The following INPP4B variants were observed in gnomAD, a reference collection of about 807,000 sequenced individuals.
The protein encoded by INPP4B is inositol polyphosphate-4-phosphatase type II B.
Under a neutral mutation model 122.5 loss-of-function variants are expected in INPP4B, and 55 were observed. The observed-to-expected ratio is 0.45, with a 90% confidence interval of 0.36 to 0.56. The LOEUF (loss-of-function observed/expected upper bound fraction) is 0.56. Ranked by LOEUF, INPP4B falls within the 20% of genes least tolerant of loss-of-function variation. INPP4B has a pLI of 0.00. For synonymous variants in INPP4B, 403 were observed against 388.7 expected (o/e 1.04, Z -0.43); for missense variants, 1,000 against 1,097.7 (o/e 0.91, Z 1.26).
At chr4:142,117,937 C>G (rs1161931789) in intron 21 of INPP4B, among the ~76,000 whole-genome samples, 1 of 152,192 alleles carries the variant, frequency 6.6e-6, no homozygotes, top group Non-Finnish European at 1.5e-5. Flanking sequence ...TAGGCAACTT[C>G]AGCAAAGTCT....
intron 1 of INPP4B, among the ~76,000 whole-genome samples, chr4:142,746,853 C>T (rs1359568861): frequency 6.6e-6 from 1 of 152,108 alleles, no homozygotes; most frequent in African/African-American, 2.4e-5. Flanking sequence ...CTTCCTTACA[C>T]CTTATGCAAA....
intron 8 of INPP4B, among the ~76,000 whole-genome samples, chr4:142,309,951 T>C (rs1293019450): frequency 6.6e-6 from 1 of 152,084 alleles, no homozygotes; most frequent in East Asian, 1.9e-4. Context: ...TCCGAGCAAG[T>C]CACAGATATC....
chr4:142,261,253 C>G (rs1302358793), intron 10 of INPP4B, among the ~76,000 whole-genome samples: 1 of 152,120 alleles, frequency 6.6e-6, no homozygotes, highest in Non-Finnish European at 1.5e-5. Flanking sequence ...GTGGTGCTCT[C>G]CCTCAGCTTC....
At chr4:142,120,984 A>G (rs1796317890) in intron 21 of INPP4B, among the ~76,000 whole-genome samples, 1 of 152,026 alleles carries the variant, frequency 6.6e-6, no homozygotes, top group Non-Finnish European at 1.5e-5. Flanking sequence ...GAGTTTCAAT[A>G]CTGTTTGAAG....
chr4:142,373,088 G>T (rs1391347209), intron 7 of INPP4B, among the ~76,000 whole-genome samples: 1 of 152,028 alleles, frequency 6.6e-6, no homozygotes, highest in Non-Finnish European at 1.5e-5. Context: ...TCAAATAGCT[G>T]CAGGCTCTAA....
intron 11 of INPP4B, among the ~76,000 whole-genome samples, chr4:142,245,338 A>G (rs1727416415): frequency 6.6e-6 from 1 of 152,078 alleles, no homozygotes; most frequent in Non-Finnish European, 1.5e-5. Context: ...CAAGGTTTTT[A>G]TGGTTTTAGG....
chr4:142,170,752 T>C (rs950989730), intron 16 of INPP4B, among the ~76,000 whole-genome samples: 3 of 151,804 alleles, frequency 2.0e-5, no homozygotes, highest in Admixed American at 6.6e-5. Flanking sequence ...TATCGAGTTT[T>C]GGAATTCCTG....
intron 2 of INPP4B, among the ~76,000 whole-genome samples, chr4:142,695,085 CTTTTT>C (rs1021061648): frequency 6.6e-6 from 1 of 150,908 alleles, no homozygotes; most frequent in African/African-American, 2.4e-5. Context: ...TAATCATTCA[CTTTTT>C]TTTTAGTATT....
chr4:142,722,983 G>A (rs1216244003), intron 2 of INPP4B, among the ~76,000 whole-genome samples: 1 of 151,940 alleles, frequency 6.6e-6, no homozygotes, highest in Non-Finnish European at 1.5e-5. Flanking sequence ...CACAAGATTT[G>A]TATCCTTTTA....
At chr4:142,823,221 C>T (rs1266824896) in intron 1 of INPP4B, among the ~76,000 whole-genome samples, 1 of 152,130 alleles carries the variant, frequency 6.6e-6, no homozygotes, top group African/African-American at 2.4e-5. Flanking sequence ...GTGAAGCAAA[C>T]TAAAATATTT....
intron 22 of INPP4B, among the ~76,000 whole-genome samples, chr4:142,110,618 G>A (rs1394672310): frequency 6.6e-6 from 1 of 152,100 alleles, no homozygotes; most frequent in East Asian, 1.9e-4. Flanking sequence ...ATGTCAGAGT[G>A]CTATTCAAAT....
At chr4:142,044,383 G>C (rs901555468) in intron 25 of INPP4B, among the ~76,000 whole-genome samples, 12 of 152,236 alleles carry the variant, frequency 7.9e-5, no homozygotes, top group Middle Eastern at 3.4e-3. Flanking sequence ...AACAGTCACA[G>C]ATTCAAAGAC....
intron 15 of INPP4B, among the ~76,000 whole-genome samples, chr4:142,175,361 A>ATT (rs113346898): frequency 0.091 from 13,583 of 149,808 alleles, 868 homozygotes; most frequent in Middle Eastern, 0.17. Context: ...TAAGGAAACA[A>ATT]TTTTTTTTTT....
At chr4:142,592,623 A>G (rs1177474619) in intron 2 of INPP4B, among the ~76,000 whole-genome samples, 1 of 152,200 alleles carries the variant, frequency 6.6e-6, no homozygotes. Flanking sequence ...CTACCCATAG[A>G]CTAGAAATAT....
intron 11 of INPP4B, among the ~76,000 whole-genome samples, chr4:142,250,339 T>A (rs1335792156): frequency 6.6e-6 from 1 of 152,206 alleles, no homozygotes; most frequent in South Asian, 2.1e-4. Context: ...GTAAATAGAA[T>A]AGTGACGAAC....
chr4:142,076,326 C>T (rs1047620061), intron 25 of INPP4B, among the ~76,000 whole-genome samples: 5 of 152,044 alleles, frequency 3.3e-5, no homozygotes, highest in African/African-American at 9.7e-5. Context: ...GATCAGTTCT[C>T]TTTTGGGGTT....
At chr4:142,383,965 C>T (rs1313100219) in intron 7 of INPP4B, 9 of 634,184 alleles carry the variant, frequency 1.4e-5, no homozygotes, top group African/African-American at 5.4e-5. Context: ...AAGTTACCAT[C>T]GTGCAGCTGT....
chr4:142,423,170 G>C (rs1013241593), intron 5 of INPP4B, among the ~76,000 whole-genome samples: 1 of 152,000 alleles, frequency 6.6e-6, no homozygotes, highest in East Asian at 1.9e-4. Flanking sequence ...GAACATAGAA[G>C]ATAATTCATA....
At chr4:142,409,191 T>G (rs1383419007) in intron 5 of INPP4B, among the ~76,000 whole-genome samples, 4 of 151,922 alleles carry the variant, frequency 2.6e-5, no homozygotes, top group Non-Finnish European at 5.9e-5. Context: ...GGAAGCATAA[T>G]AATAAAAATA....
Sources: allele counts gnomAD v4.1 joint callset (sites outside exome capture counted in the v4.1 genomes callset), GRCh38; gene constraint gnomAD v4.1.1; transcripts MANE v1.5; gene names NCBI Gene and HGNC (gene_info 2026-07-23, HGNC 2026-07-21).